Variants in STPG2 observed in about 807,000 individuals in gnomAD.
STPG2 encodes the protein sperm tail PG-rich repeat containing 2, also known as sperm-tail PG-rich repeat-containing protein 2.
In STPG2, 56 loss-of-function variants were observed where a neutral mutation model predicts 54.2. The ratio of observed to expected loss-of-function variants is 1.03; its 90% confidence interval spans 0.83 to 1.29. The LOEUF (loss-of-function observed/expected upper bound fraction) is 1.29. Among genes scored for constraint, STPG2 ranks in the 50% most tolerant of loss-of-function variants. STPG2 has a pLI of 0.00. For synonymous variants in STPG2, 200 were observed against 181.8 expected (o/e 1.10, Z -0.81); for missense variants, 596 against 544.9 (o/e 1.09, Z -0.93).
At chr4:97,533,318 CTTAG>C (rs1414603617) in intron 4 of STPG2, among the ~76,000 whole-genome samples, 1 of 152,026 alleles carries the variant, frequency 6.6e-6, no homozygotes, top group Non-Finnish European at 1.5e-5. Context: ...TCATTTTTGA[CTTAG>C]TATTTCTATT....
chr4:97,956,307 T>G (rs1733671844), intron 7 of STPG2, among the ~76,000 whole-genome samples: 1 of 152,034 alleles, frequency 6.6e-6, no homozygotes, highest in South Asian at 2.1e-4. Flanking sequence ...GTAATATTGA[T>G]GAAATGAAAT....
chr4:98,042,308 T>C (rs72884205), intron 5 of STPG2, among the ~76,000 whole-genome samples: 1 of 151,894 alleles, frequency 6.6e-6, no homozygotes, highest in Non-Finnish European at 1.5e-5. Flanking sequence ...TTGTACTTTT[T>C]TTACTTCAAT....
intron 10 of STPG2, among the ~76,000 whole-genome samples, chr4:97,636,702 A>T (rs1187132005): frequency 1.3e-5 from 2 of 151,978 alleles, no homozygotes; most frequent in Non-Finnish European, 2.9e-5. Context: ...CATCAGAGAA[A>T]ACTACAAACA....
intron 4 of STPG2, among the ~76,000 whole-genome samples, chr4:97,469,603 A>G (rs1349020632): frequency 6.6e-6 from 1 of 152,000 alleles, no homozygotes; most frequent in Non-Finnish European, 1.5e-5. Context: ...GATAAGGAAG[A>G]GAGCGGCAGT....
chr4:97,961,442 T>C (rs1733887023), intron 7 of STPG2, among the ~76,000 whole-genome samples: 1 of 151,842 alleles, frequency 6.6e-6, no homozygotes, highest in African/African-American at 2.4e-5. Flanking sequence ...TGGGAGAAAA[T>C]CATCATAATC....
At chr4:97,445,958 T>G (rs892141179) in intron 4 of STPG2, among the ~76,000 whole-genome samples, 3 of 152,216 alleles carry the variant, frequency 2.0e-5, no homozygotes, top group Non-Finnish European at 2.9e-5. Flanking sequence ...CAGTCTTATC[T>G]TACAAAAACC....
At chr4:97,631,005 A>G (rs1357575784) in intron 10 of STPG2, among the ~76,000 whole-genome samples, 1 of 151,914 alleles carries the variant, frequency 6.6e-6, no homozygotes, top group African/African-American at 2.4e-5. Flanking sequence ...TTTTTGAACT[A>G]TAGTCTTAAA....
At chr4:97,911,871 C>T (rs1261045221) in intron 8 of STPG2, among the ~76,000 whole-genome samples, 1 of 152,050 alleles carries the variant, frequency 6.6e-6, no homozygotes, top group Non-Finnish European at 1.5e-5. Context: ...TCCCTAATCC[C>T]GTTCTTCCCG....
intron 9 of STPG2, among the ~76,000 whole-genome samples, chr4:97,745,938 G>A (rs985039159): frequency 1.3e-5 from 2 of 151,294 alleles, no homozygotes; most frequent in Non-Finnish European, 3.0e-5. Context: ...TACATAAGAT[G>A]TAGTAATGGA....
chr4:97,548,672 C>A (rs879910644), intron 4 of STPG2, among the ~76,000 whole-genome samples: 5 of 151,838 alleles, frequency 3.3e-5, no homozygotes, highest in Non-Finnish European at 7.4e-5. Context: ...TTCTTGAATT[C>A]TTGCTATAAT....
At chr4:97,690,822 CT>C (rs1723340315) in intron 10 of STPG2, among the ~76,000 whole-genome samples, 1 of 152,168 alleles carries the variant, frequency 6.6e-6, no homozygotes, top group South Asian at 2.1e-4. Context: ...ACTTGGGACT[CT>C]GAAAAACTGT....
rs542851172 is a variant in STPG2, at chr4:97,949,870, G to T, written c.934-5863C>A. Among the ~76,000 whole-genome samples the T allele has an allele frequency of 5.1e-4, 60 of 117,030 alleles. No homozygotes were observed. The South Asian group carries it at 0.019, about 36-fold the overall frequency. The allele number at this position is 117,030 out of a possible 152,430, so 76.8% of individuals were successfully genotyped here. On this transcript the variant is annotated intron_variant, in intron 7 of 10. Coordinates refer to ENST00000295268, the MANE Select transcript of STPG2 (RefSeq NM_174952.3). ...AGATGACTATATGCCTTTGTGTTTT[G>T]TTTTTTGTTTTTTGTTTTGTTTTTT... is the stretch of plus-strand genomic sequence containing the variant.
At chr4:97,561,921 C>T (rs183428282) in intron 10 of STPG2, among the ~76,000 whole-genome samples, 5,977 of 152,136 alleles carry the variant, frequency 0.039, 376 homozygotes, top group African/African-American at 0.14. Context: ...CTTGGCTATG[C>T]GGGCTCTTTT....
At chr4:97,592,135 A>G (rs1311661546) in intron 10 of STPG2, among the ~76,000 whole-genome samples, 3 of 152,190 alleles carry the variant, frequency 2.0e-5, no homozygotes, top group Non-Finnish European at 4.4e-5. Context: ...TAATAAATAT[A>G]ATTAACACTT....
chr4:97,794,321 C>A (rs796392879), intron 9 of STPG2, among the ~76,000 whole-genome samples: 8 of 152,056 alleles, frequency 5.3e-5, no homozygotes, highest in Admixed American at 2.0e-4. Context: ...CAAGTTCAGA[C>A]AATGAAAGCT....
At chr4:97,634,834 AC>A (rs1345965293) in intron 10 of STPG2, among the ~76,000 whole-genome samples, 1 of 150,706 alleles carries the variant, frequency 6.6e-6, no homozygotes, top group African/African-American at 2.4e-5. Context: ...GAAATATGGG[AC>A]TATGTGAAAA....
At chr4:97,487,431 A>T (rs538581660) in intron 4 of STPG2, among the ~76,000 whole-genome samples, 1 of 151,630 alleles carries the variant, frequency 6.6e-6, no homozygotes, top group African/African-American at 2.4e-5. Flanking sequence ...TATATAAAAC[A>T]TACTTCAATA....
chr4:97,487,175 C>T (rs79742834), intron 4 of STPG2, among the ~76,000 whole-genome samples: 2,101 of 150,648 alleles, frequency 0.014, 41 homozygotes, highest in African/African-American at 0.048. Context: ...CAAATATCAC[C>T]TGTCTATACC....
At chr4:97,881,798 T>C (rs1483900250) in intron 8 of STPG2, among the ~76,000 whole-genome samples, 1 of 152,148 alleles carries the variant, frequency 6.6e-6, no homozygotes, top group East Asian at 1.9e-4. Flanking sequence ...TGAAACAATA[T>C]CCTAATAGTA....
Sources: gnomAD v4.1 joint callset for allele counts (sites outside exome capture counted in the v4.1 genomes callset) on GRCh38, gnomAD v4.1.1 for gene constraint, MANE v1.5 for transcripts, NCBI Gene and HGNC (gene_info 2026-07-23, HGNC 2026-07-21) for gene names.